The following TPCN1 variants were observed in gnomAD, a reference collection of about 807,000 sequenced individuals.
TPCN1 encodes the protein two pore channel protein 1.
A neutral mutation model predicts 108.8 loss-of-function variants in TPCN1; 52 were observed. That is an observed-to-expected ratio of 0.48 (90% confidence interval 0.38 to 0.60). The LOEUF (loss-of-function observed/expected upper bound fraction) is 0.60, where lower values mean the gene tolerates loss of function less well. TPCN1 is among the 20% of genes least tolerant of loss of function. TPCN1 has a pLI of 0.00. For missense variants in TPCN1, 806 were observed against 1,072.8 expected (o/e 0.75, Z 3.47); for synonymous variants, 446 against 433.7 (o/e 1.03, Z -0.35).
In TPCN1 at chr12:113,288,075, C is replaced by A; in HGVS notation, c.1635-88C>A. ...GCCCTCACCTGTCTTCACCGCATGGCGTGTGGAAGGCGGGGCCGGCATGTT... is the reference window on the plus strand; with the variant it reads ...GCCCTCACCTGTCTTCACCGCATGGAGTGTGGAAGGCGGGGCCGGCATGTT... On this transcript the variant is annotated intron_variant, in intron 19 of 27. Coordinates refer to ENST00000335509, the MANE Select transcript of TPCN1 (RefSeq NM_017901.6). The surrounding 1 kb of genome is among the most constrained non-coding windows in gnomAD (Gnocchi z 4.8). The A allele has an allele frequency of 1.5e-6, 2 of 1,299,952 alleles. No homozygotes were observed. Among genetic ancestry groups the A allele is most frequent in the Non-Finnish European group, 2.2e-6 (2 of 919,040 alleles). The allele number at this position is 1,299,952 out of a possible 1,614,324, so 80.5% of individuals were successfully genotyped here.
Position 113,260,474 on chromosome 12 carries a change from G to A in TPCN1, c.219G>A (p.Glu73=). 3 of 1,572,708 alleles carry A rather than the reference G, an allele frequency of 1.9e-6. No homozygotes were observed. Among genetic ancestry groups the A allele is most frequent in the Non-Finnish European group, 2.6e-6 (3 of 1,162,076 alleles). Residue 73 remains glutamate (E), a synonymous_variant, in exon 3 of 28, where the codon GAG becomes GAA. Coordinates refer to ENST00000335509, the MANE Select transcript of TPCN1 (RefSeq NM_017901.6). ...ACAACTGGGAGATGAATTACCAAGA[G>A]GCAGCAATCTACCTCCAGGTGAGTA... ...PAHNWEMNYQ[E]AAIYLQEGEN...
At chr12:113,225,258 T>A in intron 1 of TPCN1, 1 of 451,858 alleles carries the variant, frequency 2.2e-6, no homozygotes, top group South Asian at 1.6e-5. Flanking sequence ...GGAGTCTTGC[T>A]ACATTGCCCA....
chr12:113,284,174 G>A lies in TPCN1; in HGVS notation c.1343-407G>A, dbSNP rs977340290. 1.3e-5 allele frequency among the ~76,000 whole-genome samples: 2 copies of A among 152,154 alleles called. No homozygotes were observed. Among genetic ancestry groups the A allele is most frequent in the African/African-American group, 2.4e-5 (1 of 41,452 alleles). On this transcript the variant is annotated intron_variant, in intron 15 of 27. Coordinates refer to ENST00000335509, the MANE Select transcript of TPCN1 (RefSeq NM_017901.6). This position sits in a 1 kb window ranked among gnomAD's most constrained non-coding sequence, Gnocchi z 4.1. ...TTTCTGGAAAGTGGGATTGCTAGGC[G>A]AATGGCTTAATGCATATGCAGTTTT...
At chr12:113,244,732 T>C (rs757130807) in intron 2 of TPCN1, 377 of 985,320 alleles carry the variant, frequency 3.8e-4, no homozygotes, top group Non-Finnish European at 4.5e-4. Flanking sequence ...TCCGGAGGGC[T>C]CCGAGTGCTT....
rs1956439580 is a variant in TPCN1, at chr12:113,296,668, G to C, written c.*592G>C. 6.6e-6 allele frequency: 1 copy of C among 152,606 alleles called. No homozygotes were observed. The highest frequency in any genetic ancestry group is 2.1e-4 in the South Asian group (1 of 4,842). The allele number at this position is 152,606 out of a possible 1,614,324, so 9.5% of individuals were successfully genotyped here. On this transcript the variant is annotated 3_prime_UTR_variant, in exon 28 of 28. Coordinates refer to ENST00000335509, the MANE Select transcript of TPCN1 (RefSeq NM_017901.6). ...TGGGGCAACTGGGCCCATGTGGCCAGAGCTCAGTTAGCCAGTGCCGGGCGG... is the reference window on the plus strand; with the variant it reads ...TGGGGCAACTGGGCCCATGTGGCCACAGCTCAGTTAGCCAGTGCCGGGCGG...
chr12:113,284,603 G>A lies in TPCN1; in HGVS notation c.1365G>A (p.Gly455=). The change falls in exon 16 of 28, where the codon GGG becomes GGA. Residue 455 remains glycine (G), a synonymous_variant. Transcript: ENST00000335509. The surrounding 1 kb of genome is among the most constrained non-coding windows in gnomAD (Gnocchi z 4.1). Reference sequence around the variant, plus strand: ...CAGACTTGGTGGTGGCAGTCAACGGGGTCTGGATCCTCGTGGAGACATTTA... The same window carrying A: ...CAGACTTGGTGGTGGCAGTCAACGGAGTCTGGATCCTCGTGGAGACATTTA... ...YFMYLVVAVN[G]VWILVETFML... 6.2e-7 allele frequency: 1 copy of A among 1,614,148 alleles called. No individual in the cohort carries two copies. The highest frequency in any genetic ancestry group is 1.1e-5 in the South Asian group (1 of 91,084).
chr12:113,234,534 G>A (rs1159582729), intron 2 of TPCN1, among the ~76,000 whole-genome samples: 2 of 152,220 alleles, frequency 1.3e-5, no homozygotes, highest in Admixed American at 6.5e-5. Flanking sequence ...ACTAAATTGG[G>A]ACCATTGGTG....
intron 2 of TPCN1, among the ~76,000 whole-genome samples, chr12:113,254,552 G>A (rs1954766738): frequency 6.6e-6 from 1 of 152,116 alleles, no homozygotes; most frequent in African/African-American, 2.4e-5. Context: ...ATTAACCAAA[G>A]GAAAAAGAAA....
chr12:113,270,787 CT>C (rs1250902368), intron 7 of TPCN1, among the ~76,000 whole-genome samples: 1 of 152,058 alleles, frequency 6.6e-6, no homozygotes, highest in Non-Finnish European at 1.5e-5. Context: ...CCTCTGGGAC[CT>C]CTTTTATAGG....
At chr12:113,277,500 A>G (rs1955716806) in intron 12 of TPCN1, 136 bp downstream of exon 12, 1 of 1,071,242 alleles carries the variant, frequency 9.3e-7, no homozygotes, top group Non-Finnish European at 1.3e-6. Context: ...ATGTTTATCC[A>G]TGTAGACTTA....
chr12:113,281,974 G>A (rs1177241292), intron 15 of TPCN1, among the ~76,000 whole-genome samples: 1 of 144,686 alleles, frequency 6.9e-6, no homozygotes, highest in African/African-American at 2.6e-5. Context: ...AGGCTGTGGT[G>A]CAGTGGCATG....
rs1392228569 is a variant in TPCN1, at chr12:113,232,453, C to T, written c.112+5489C>T. ...AGGAGGAGTTGGGAGAGATCCTCGC[C>T]GGCTGGCACCAGAGAAGAATACACC... On this transcript the variant is annotated intron_variant, in intron 2 of 27. Coordinates refer to ENST00000335509, the MANE Select transcript of TPCN1 (RefSeq NM_017901.6). This position sits in a 1 kb window ranked among gnomAD's most constrained non-coding sequence, Gnocchi z 5.6. Among the ~76,000 whole-genome samples, 4 of 152,242 alleles carry T rather than the reference C, an allele frequency of 2.6e-5. No homozygotes were observed. Among genetic ancestry groups the T allele is most frequent in the African/African-American group, 4.8e-5 (2 of 41,474 alleles).
chr12:113,288,138 G>T lies in TPCN1; in HGVS notation c.1635-25G>T. 2.5e-6 allele frequency: 4 copies of T among 1,604,076 alleles called. No individual in the cohort carries two copies. Among genetic ancestry groups the T allele is most frequent in the Non-Finnish European group, 3.4e-6 (4 of 1,173,224 alleles). On this transcript the variant is annotated intron_variant, in intron 19 of 27. Coordinates refer to ENST00000335509, the MANE Select transcript of TPCN1 (RefSeq NM_017901.6). This position sits in a 1 kb window ranked among gnomAD's most constrained non-coding sequence, Gnocchi z 4.8. ...GCTGAGGCGTGCACCTGTGTGTGGAGGTGACGGGTGTCCTCCTCGCTCAGG... is the reference window on the plus strand; with the variant it reads ...GCTGAGGCGTGCACCTGTGTGTGGATGTGACGGGTGTCCTCCTCGCTCAGG...
At chr12:113,262,365 G>T (rs1212173485) in intron 3 of TPCN1, among the ~76,000 whole-genome samples, 7 of 146,788 alleles carry the variant, frequency 4.8e-5, no homozygotes, top group Non-Finnish European at 1.0e-4. Flanking sequence ...AGCCGTGTTT[G>T]TGTCACTGCA....
intron 25 of TPCN1, 178 bp downstream of exon 25, chr12:113,292,136 T>G: frequency 1.6e-6 from 1 of 606,316 alleles, no homozygotes; most frequent in South Asian, 2.0e-5. Flanking sequence ...TTTCAAATAT[T>G]TAATGTCAGA....
intron 2 of TPCN1, among the ~76,000 whole-genome samples, chr12:113,257,703 C>A (rs1487739347): frequency 6.6e-6 from 1 of 152,138 alleles, no homozygotes; most frequent in African/African-American, 2.4e-5. Context: ...CCACACAAAG[C>A]CCTGAATGAA....
intron 2 of TPCN1, among the ~76,000 whole-genome samples, chr12:113,248,470 C>T (rs1208053986): frequency 1.3e-5 from 2 of 152,206 alleles, no homozygotes; most frequent in Non-Finnish European, 2.9e-5. Flanking sequence ...AGGAGGAAGC[C>T]TCAGCGCTTT....
In TPCN1 at chr12:113,268,716, C is replaced by T. The variant is rs757569986; in HGVS notation, c.529-26C>T. 11 of 1,611,184 alleles carry T rather than the reference C, an allele frequency of 6.8e-6. No individual in the cohort carries two copies. The highest frequency in any genetic ancestry group is 1.7e-5 in the Admixed American group (1 of 59,940). On this transcript the variant is annotated intron_variant, in intron 5 of 27. Coordinates refer to ENST00000335509, the MANE Select transcript of TPCN1 (RefSeq NM_017901.6). This position sits in a 1 kb window ranked among gnomAD's most constrained non-coding sequence, Gnocchi z 7.3. ...ATGACGGCTGGGCTGCAGGGGCTGACGGTGCTCCATGCCTGCCACCCACAG... is the reference window on the plus strand; with the variant it reads ...ATGACGGCTGGGCTGCAGGGGCTGATGGTGCTCCATGCCTGCCACCCACAG...
At chr12:113,264,564 AG>A (rs1365102601) in intron 3 of TPCN1, among the ~76,000 whole-genome samples, 1 of 152,040 alleles carries the variant, frequency 6.6e-6, no homozygotes, top group Non-Finnish European at 1.5e-5. Flanking sequence ...CTGTCATTCC[AG>A]CTACCCGGGA....
Sources: gnomAD v4.1 joint callset for allele counts (sites outside exome capture counted in the v4.1 genomes callset) on GRCh38, gnomAD v4.1.1 for gene constraint, Gnocchi (gnomAD v3.1) non-coding constraint, MANE v1.5 for transcripts, NCBI Gene and HGNC (gene_info 2026-07-23, HGNC 2026-07-21) for gene names.